TRAF5: variants seen among roughly 807,000 people sequenced by gnomAD.
TRAF5 encodes the protein TNF receptor associated factor 5.
A neutral mutation model predicts 64.5 loss-of-function variants in TRAF5; 48 were observed. The observed-to-expected ratio is 0.74, with a 90% CI of 0.59 to 0.95. The LOEUF is 0.95. Ranked by LOEUF, TRAF5 falls within the 40% of genes least tolerant of loss-of-function variation. The pLI, the probability that TRAF5 is intolerant of heterozygous loss-of-function variation, is 0.00. For synonymous variants in TRAF5, 206 were observed against 240.5 expected (o/e 0.86, Z 1.33); for missense variants, 545 against 662.8 (o/e 0.82, Z 1.95).
chr1:211,344,080 C>A (rs1702521063), intron 1 of TRAF5, among the ~76,000 whole-genome samples: 1 of 152,276 alleles, frequency 6.6e-6, no homozygotes, highest in Non-Finnish European at 1.5e-5. Context: ...GTAGACTCTA[C>A]ATGGTTCTGA....
intron 1 of TRAF5, among the ~76,000 whole-genome samples, chr1:211,335,647 A>G (rs1356145831): frequency 6.6e-6 from 1 of 152,184 alleles, no homozygotes; most frequent in Admixed American, 6.5e-5. Flanking sequence ...GCATGGCTGC[A>G]TATGTGAGGC....
At chr1:211,365,492 A>G (rs1362190833) in intron 8 of TRAF5, 24 bp downstream of exon 8, 1 of 1,583,200 alleles carries the variant, frequency 6.3e-7, no homozygotes, top group East Asian at 2.3e-5. Flanking sequence ...GGTTCAAATA[A>G]AAAGTGAGGC....
At position 211,359,991 on chromosome 1, in the gene TRAF5, T is replaced by C; in HGVS notation, c.458T>C (p.Leu153Pro). The C allele has an allele frequency of 1.2e-6, 2 of 1,614,088 alleles. No homozygotes were observed. The highest frequency in any genetic ancestry group is 1.7e-6 in the Non-Finnish European group (2 of 1,179,972). Reference protein sequence around the residue: ...KCREPVLRKDLKEHLSASCQF... With the variant: ...KCREPVLRKDPKEHLSASCQF... The stretch of plus-strand genomic sequence containing the variant: ...CGGGAGCCAGTCCTACGGAAAGACC[T>C]GAAAGAGCATTTGAGTGCATCCTGT... The change falls in exon 5 of 11, where the codon CTG becomes CCG. Residue 153 changes from leucine (L) to proline (P), a missense_variant. Physicochemically the swap from Leu to Pro is moderately conservative, Grantham distance 98. Transcript: ENST00000261464.
At position 211,353,426 on chromosome 1, in the gene TRAF5, C is replaced by T. The variant is rs576776178; in HGVS notation, c.187C>T (p.Arg63Cys). The T allele has an allele frequency of 2.7e-5, 44 of 1,613,784 alleles. No homozygotes were observed. Among genetic ancestry groups the T allele is most frequent in the Admixed American group, 2.0e-4 (12 of 60,018 alleles). ...CCCCCACCAGACAGGATGTGGGCAC[C>T]GCTTCTGCCAGCACTGCATCCTGTC... The part of the protein sequence containing the change: ...HNPHQTGCGH[R>C]FCQHCILSLR... The change falls in exon 2 of 11, where the codon CGC becomes TGC. Residue 63 changes from arginine to cysteine, a missense_variant. Transcript: ENST00000261464.
chr1:211,359,641 C>T (rs1703106800), intron 4 of TRAF5: 2 of 370,260 alleles, frequency 5.4e-6, no homozygotes, highest in Non-Finnish European at 9.8e-6. Context: ...ACTTGGTGTA[C>T]TTCCCTCTTC....
chr1:211,348,781 A>G (rs572699015), intron 1 of TRAF5, among the ~76,000 whole-genome samples: 2 of 152,068 alleles, frequency 1.3e-5, no homozygotes, highest in African/African-American at 2.4e-5. Context: ...GGGTCAGTTG[A>G]CTATATTTAT....
Position 211,354,486 on chromosome 1 carries a change from T to C in TRAF5, c.276+19T>C, listed in dbSNP as rs775942622. On this transcript the variant is annotated intron_variant, in intron 3 of 10. Transcript: ENST00000261464. ...TCAGGAGGTAAGAAAGTCACTGCTT[T>C]TGTCTAGCAGCTCTCAGGGTGATGG... The C allele has an allele frequency of 9.4e-5, 151 of 1,612,638 alleles. No individual in the cohort carries two copies. The highest frequency in any genetic ancestry group is 1.2e-4 in the Non-Finnish European group (141 of 1,178,830).
intron 1 of TRAF5, among the ~76,000 whole-genome samples, chr1:211,327,942 G>A (rs912180256): frequency 1.3e-5 from 2 of 152,220 alleles, no homozygotes; most frequent in African/African-American, 2.4e-5. Context: ...GGCAGGTGCT[G>A]TGTGAGAACT....
intron 1 of TRAF5, among the ~76,000 whole-genome samples, chr1:211,327,225 G>A (rs900734094): frequency 3.9e-5 from 6 of 152,170 alleles, no homozygotes; most frequent in Admixed American, 1.3e-4. Context: ...GGGCGGCTGT[G>A]GACCGGAGGG....
Position 211,347,927 on chromosome 1 carries a change from T to C in TRAF5, c.-1-5312T>C, listed in dbSNP as rs1328613446. ...TTGAAATTAGCCATAGTGGAAGTGT[T>C]TAACCACAGAAATCGGCAAATGCTA... On this transcript the variant is annotated intron_variant, in intron 1 of 10. Coordinates refer to ENST00000261464, the MANE Select transcript of TRAF5 (RefSeq NM_001033910.3). Among the ~76,000 whole-genome samples the C allele has an allele frequency of 2.0e-5, 3 of 152,236 alleles. No individual in the cohort carries two copies. In the East Asian group the frequency reaches 5.8e-4, roughly 29 times the overall value.
At chr1:211,366,033 C>T (rs978806311) in intron 8 of TRAF5, among the ~76,000 whole-genome samples, 7 of 152,166 alleles carry the variant, frequency 4.6e-5, no homozygotes, top group African/African-American at 7.2e-5. Context: ...AAATTATATG[C>T]AAATGCCTGC....
At position 211,362,552 on chromosome 1, in the gene TRAF5, C is replaced by T. The variant is rs753834916; in HGVS notation, c.696+1390C>T. Among the ~76,000 whole-genome samples the T allele has an allele frequency of 6.6e-5, 10 of 151,934 alleles. No homozygotes were observed. In the East Asian group the frequency reaches 7.7e-4, roughly 12 times the overall value. On this transcript the variant is annotated intron_variant, in intron 7 of 10. Transcript: ENST00000261464. Reference sequence around the variant, plus strand: ...AAAGTTAGCTGGGTGTGGTGGTGCACGCCTGTAATCCCAGCTACTTGGGAG... The same window carrying T: ...AAAGTTAGCTGGGTGTGGTGGTGCATGCCTGTAATCCCAGCTACTTGGGAG...
chr1:211,371,470 G>C lies in TRAF5; in HGVS notation c.1099G>C (p.Ala367Pro). 6.2e-6 allele frequency: 10 copies of C among 1,604,314 alleles called. No homozygotes were observed. The highest frequency in any genetic ancestry group is 8.5e-6 in the Non-Finnish European group (10 of 1,177,912). Residue 367 changes from alanine to proline, a missense_variant and splice_region_variant, in exon 10 of 11, where the codon GCC (alanine) becomes CCC (proline). Ala to Pro is a conservative substitution (Grantham distance 27). Transcript: ENST00000261464. ...TLLENNDQRL[A>P]VLEEETNKHD... is the part of the protein sequence containing the mutation. Reference sequence around the variant, plus strand: ...GCTAGAAAACAATGATCAAAGATTAGGTATGTCTGATATTTTATTTCTCTT... The same window carrying C: ...GCTAGAAAACAATGATCAAAGATTACGTATGTCTGATATTTTATTTCTCTT...
intron 4 of TRAF5, 103 bp downstream of exon 4, chr1:211,356,571 T>G: frequency 9.9e-7 from 1 of 1,011,926 alleles, no homozygotes; most frequent in South Asian, 1.4e-5. Flanking sequence ...GTACAGGGAT[T>G]CAGTGAATTG....
At chr1:211,336,469 G>A (rs1702292336) in intron 1 of TRAF5, among the ~76,000 whole-genome samples, 2 of 152,326 alleles carry the variant, frequency 1.3e-5, no homozygotes, top group Admixed American at 1.3e-4. Flanking sequence ...GCCATCATGA[G>A]CCAGCCTTGC....
At position 211,348,956 on chromosome 1, in the gene TRAF5, T is replaced by C. The variant is rs1455654958; in HGVS notation, c.-1-4283T>C. On this transcript the variant is annotated intron_variant, in intron 1 of 10. Coordinates refer to ENST00000261464, the MANE Select transcript of TRAF5 (RefSeq NM_001033910.3). The stretch of plus-strand genomic sequence containing the variant: ...TCATACCTATAGTAATCCCATTGCT[T>C]TGGGAGGCTGAGCTGAAAGGATTGC... Among the ~76,000 whole-genome samples the C allele has an allele frequency of 2.7e-5, 4 of 148,562 alleles. No homozygotes were observed. In the South Asian group the frequency reaches 6.4e-4, roughly 24 times the overall value.
In TRAF5 at chr1:211,354,460, C is replaced by T; in HGVS notation, c.269C>T (p.Ser90Phe). Reference sequence around the variant, plus strand: ...CCTGTAGATAAAGAGGTCATCAAATCTCAGGAGGTAAGAAAGTCACTGCTT... The same window carrying T: ...CCTGTAGATAAAGAGGTCATCAAATTTCAGGAGGTAAGAAAGTCACTGCTT... ...ICPVDKEVIK[S>F]QEVFKDNCCK... The change falls in exon 3 of 11, where the codon TCT becomes TTT. Residue 90 changes from serine (S) to phenylalanine (F), a missense_variant. By Grantham distance (155) the Ser-to-Phe change is radical. Transcript: ENST00000261464. The T allele has an allele frequency of 6.2e-7, 1 of 1,614,150 alleles. No homozygotes were observed. The highest frequency in any genetic ancestry group is 8.5e-7 in the Non-Finnish European group (1 of 1,180,000).
chr1:211,343,504 C>T (rs1702503221), intron 1 of TRAF5, among the ~76,000 whole-genome samples: 1 of 152,136 alleles, frequency 6.6e-6, no homozygotes, highest in African/African-American at 2.4e-5. Context: ...TCACTGTAGC[C>T]TTGACCTCCT....
chr1:211,344,619 C>A (rs562623292), intron 1 of TRAF5, among the ~76,000 whole-genome samples: 1 of 152,296 alleles, frequency 6.6e-6, no homozygotes, highest in South Asian at 2.1e-4. Flanking sequence ...GGGGTTTCTT[C>A]TTCAGTTTTT....
Sources: allele counts gnomAD v4.1 joint callset (sites outside exome capture counted in the v4.1 genomes callset), GRCh38; gene constraint gnomAD v4.1.1; transcripts MANE v1.5; gene names NCBI Gene and HGNC (gene_info 2026-07-23, HGNC 2026-07-21).